CADM2: variants seen among roughly 807,000 people sequenced by gnomAD.
CADM2 encodes immunoglobulin superfamily member 4D.
A neutral mutation model predicts 49.8 loss-of-function variants in CADM2; 12 were observed. The ratio of observed to expected loss-of-function variants is 0.24; its 90% confidence interval spans 0.15 to 0.39. The LOEUF (loss-of-function observed/expected upper bound fraction) is 0.39, where lower values mean the gene tolerates loss of function less well. Ranked by LOEUF, CADM2 falls within the 10% of genes least tolerant of loss-of-function variation. CADM2 has a pLI of 1.00. For synonymous variants in CADM2, 214 were observed against 175.4 expected, an observed-to-expected ratio of 1.22 and a Z score of -1.74; for missense variants, 378 against 492.3, an observed-to-expected ratio of 0.77 and a Z score of 2.20.
chr3:85,292,733 G>T (rs1261375797), intron 1 of CADM2, among the ~76,000 whole-genome samples: 2 of 152,104 alleles, frequency 1.3e-5, no homozygotes, highest in African/African-American at 2.4e-5. Flanking sequence ...GATGTTCTTT[G>T]AAATCAACGA....
At chr3:85,793,282 A>C (rs2108039972) in intron 2 of CADM2, among the ~76,000 whole-genome samples, 1 of 152,294 alleles carries the variant, frequency 6.6e-6, no homozygotes, top group South Asian at 2.1e-4. Flanking sequence ...CCTGAAACTA[A>C]CTTAGATGGT....
chr3:85,569,408 A>C (rs1231575123), intron 1 of CADM2, among the ~76,000 whole-genome samples: 1 of 152,134 alleles, frequency 6.6e-6, no homozygotes, highest in African/African-American at 2.4e-5. Flanking sequence ...AGCTGCTATG[A>C]ATATTTGTGT....
intron 1 of CADM2, among the ~76,000 whole-genome samples, chr3:85,169,132 CTGTTT>C (rs758087632): frequency 1.6e-4 from 25 of 151,642 alleles, no homozygotes; most frequent in Non-Finnish European, 2.8e-4. Flanking sequence ...TTGTTTTGTT[CTGTTT>C]TGTTTTGTTT....
At chr3:85,399,654 A>G (rs980425982) in intron 1 of CADM2, among the ~76,000 whole-genome samples, 30 of 152,124 alleles carry the variant, frequency 2.0e-4, no homozygotes, top group African/African-American at 6.5e-4. Flanking sequence ...TATTTCGTTG[A>G]GCAGTGGTTT....
intron 2 of CADM2, among the ~76,000 whole-genome samples, chr3:85,781,034 C>T (rs1404094504): frequency 6.6e-6 from 1 of 152,118 alleles, no homozygotes; most frequent in Admixed American, 6.6e-5. Flanking sequence ...AGCCAAGTCC[C>T]CAAAAGCAGA....
At chr3:85,261,894 T>C (rs1387431367) in intron 1 of CADM2, among the ~76,000 whole-genome samples, 1 of 152,138 alleles carries the variant, frequency 6.6e-6, no homozygotes, top group East Asian at 1.9e-4. Flanking sequence ...TCCACGTTCT[T>C]ATTCCTAACT....
At chr3:85,759,160 TC>T (rs1406681744) in intron 2 of CADM2, among the ~76,000 whole-genome samples, 1 of 152,074 alleles carries the variant, frequency 6.6e-6, no homozygotes, top group East Asian at 1.9e-4. Flanking sequence ...TCTCTCATCT[TC>T]CTTTTTATCA....
intron 1 of CADM2, among the ~76,000 whole-genome samples, chr3:84,976,576 G>A (rs2031834611): frequency 6.6e-6 from 1 of 151,706 alleles, no homozygotes; most frequent in Non-Finnish European, 1.5e-5. Flanking sequence ...GTGATTACTT[G>A]TCTTAGAAGT....
chr3:85,518,498 T>C (rs898192225), intron 1 of CADM2, among the ~76,000 whole-genome samples: 1 of 152,032 alleles, frequency 6.6e-6, no homozygotes, highest in Non-Finnish European at 1.5e-5. Flanking sequence ...CACTGCCAGG[T>C]AACCACATCT....
At chr3:85,596,245 C>A (rs1473180167) in intron 1 of CADM2, among the ~76,000 whole-genome samples, 1 of 151,616 alleles carries the variant, frequency 6.6e-6, no homozygotes, top group Non-Finnish European at 1.5e-5. Flanking sequence ...AATCATACTA[C>A]CTACCTTGAC....
At chr3:85,248,699 TGATA>T (rs2042707057) in intron 1 of CADM2, among the ~76,000 whole-genome samples, 1 of 152,122 alleles carries the variant, frequency 6.6e-6, no homozygotes, top group African/African-American at 2.4e-5. Flanking sequence ...TAAGTAAGGG[TGATA>T]GATAGGTGAA....
rs2034139650 is a variant in CADM2 at position 85,014,151 on chromosome 3, ATTGT to A, written c.61+54484_61+54487del. On this transcript the variant is annotated intron_variant, in intron 1 of 9. Coordinates refer to ENST00000383699, the MANE Select transcript of CADM2 (RefSeq NM_001167675.2). ...GTATATTATATATACGCAGTGTAAT[ATTGT>A]ATATTATATATACGCAGTGTAATAA... Among the ~76,000 whole-genome samples, 3 of 147,214 alleles carry A rather than the reference ATTGT, an allele frequency of 2.0e-5. No homozygotes were observed. In the Admixed American group the frequency reaches 2.1e-4, roughly 10 times the overall value.
chr3:85,449,083 A>ATAATT (rs59973385), intron 1 of CADM2, among the ~76,000 whole-genome samples: 2 of 148,230 alleles, frequency 1.3e-5, no homozygotes, highest in Non-Finnish European at 3.0e-5. Context: ...TAATGATAAA[A>ATAATT]ATTATATAAT....
Position 86,065,735 on chromosome 3 carries a change from G to T in CADM2, c.1096+5G>T. On this transcript the variant is annotated splice_donor_5th_base_variant and intron_variant, in intron 9 of 9. Coordinates refer to ENST00000383699, the MANE Select transcript of CADM2 (RefSeq NM_001167675.2). ...GATATCTGGCAAGGCATAAAGGTACGTTATATTTAGCCAGAGTACACAATG... is the reference window on the plus strand; with the variant it reads ...GATATCTGGCAAGGCATAAAGGTACTTTATATTTAGCCAGAGTACACAATG... The T allele has an allele frequency of 6.2e-7, 1 of 1,612,546 alleles. No individual in the cohort carries two copies. Among genetic ancestry groups the T allele is most frequent in the Non-Finnish European group, 8.5e-7 (1 of 1,179,408 alleles).
chr3:85,869,107 C>T (rs536100674), intron 3 of CADM2, among the ~76,000 whole-genome samples: 1 of 152,064 alleles, frequency 6.6e-6, no homozygotes, highest in South Asian at 2.1e-4. Context: ...ATTTTTCATG[C>T]TTCCCATTTA....
chr3:85,645,729 T>TTAC (rs2107565859), intron 1 of CADM2, among the ~76,000 whole-genome samples: 1 of 152,124 alleles, frequency 6.6e-6, no homozygotes, highest in East Asian at 1.9e-4. Flanking sequence ...AGAATATCCT[T>TTAC]ACAATATGGA....
At chr3:85,169,654 C>T (rs141243551) in intron 1 of CADM2, among the ~76,000 whole-genome samples, 4,898 of 152,098 alleles carry the variant, frequency 0.032, 106 homozygotes, top group East Asian at 0.045. Flanking sequence ...CTCCTGTAAT[C>T]CCAGCTACCC....
At chr3:85,249,220 G>T (rs1258337635) in intron 1 of CADM2, among the ~76,000 whole-genome samples, 2 of 151,938 alleles carry the variant, frequency 1.3e-5, no homozygotes, top group Non-Finnish European at 2.9e-5. Flanking sequence ...ATCTCTTACT[G>T]TGACTTGTAT....
intron 3 of CADM2, among the ~76,000 whole-genome samples, chr3:85,828,229 A>C (rs552071414): frequency 6.6e-6 from 1 of 152,132 alleles, no homozygotes; most frequent in African/African-American, 2.4e-5. Context: ...TTGAACTTTC[A>C]TATTTGCCAT....
Sources: allele counts gnomAD v4.1 joint callset (sites outside exome capture counted in the v4.1 genomes callset), GRCh38; gene constraint gnomAD v4.1.1; transcripts MANE v1.5; gene names NCBI Gene and HGNC (gene_info 2026-07-23, HGNC 2026-07-21).